Variants in PPFIA1 observed in about 807,000 individuals in gnomAD.
The protein encoded by PPFIA1 is PPFI scaffold protein A1, also known as liprin-alpha-1.
A neutral mutation model predicts 149.9 loss-of-function variants in PPFIA1; 25 were observed. The ratio of observed to expected loss-of-function variants is 0.17; its 90% CI spans 0.12 to 0.23. PPFIA1 has a LOEUF of 0.23. PPFIA1 is among the 10% of genes least tolerant of loss of function. PPFIA1 has a pLI of 1.00. For missense variants in PPFIA1, 1,362 were observed against 1,506.5 expected, an observed-to-expected ratio of 0.90 and a Z score of 1.59; for synonymous variants, 549 against 552.8, an observed-to-expected ratio of 0.99 and a Z score of 0.10.
Position 70,272,293 on chromosome 11 carries a change from G to T in PPFIA1, c.121G>T (p.Val41Phe). The stretch of plus-strand genomic sequence containing the variant: ...AGATTCACATTTTGAACAGTTGATG[G>T]TCTCCATGCTAGAAGAAAGGGACCG... ...DADSHFEQLM[V>F]SMLEERDRLL... is the part of the protein sequence containing the mutation. Residue 41 changes from valine (V) to phenylalanine (F), a missense_variant, in exon 2 of 28, where the codon GTC (valine) becomes TTC (phenylalanine). Val to Phe is a conservative substitution (Grantham distance 50, BLOSUM62 -1). Transcript: ENST00000253925. 1 of 1,614,152 alleles carries T rather than the reference G, an allele frequency of 6.2e-7. No individual in the cohort carries two copies. The highest frequency in any genetic ancestry group is 8.5e-7 in the Non-Finnish European group (1 of 1,180,028).
At chr11:70,271,266 T>C (rs1269516639) in intron 1 of PPFIA1, 1 of 152,284 alleles carries the variant, frequency 6.6e-6, no homozygotes, top group Non-Finnish European at 1.5e-5. Flanking sequence ...CCGCACCTGA[T>C]ACAGGAGGGG....
intron 11 of PPFIA1, 99 bp downstream of exon 11, chr11:70,335,793 T>C (rs1160056477): frequency 2.2e-6 from 3 of 1,381,518 alleles, no homozygotes; most frequent in Non-Finnish European, 2.0e-6. Flanking sequence ...GGTTAGCAGC[T>C]GTTACCGAAA....
chr11:70,277,062 T>TTC, intron 2 of PPFIA1, among the ~76,000 whole-genome samples: 1 of 96,430 alleles, frequency 1.0e-5, no homozygotes, highest in Non-Finnish European at 2.0e-5. Flanking sequence ...ATATATATAT[T>TTC]TTTTTTTTTC....
intron 2 of PPFIA1, among the ~76,000 whole-genome samples, chr11:70,279,493 G>C (rs910922068): frequency 6.6e-6 from 1 of 151,982 alleles, no homozygotes; most frequent in African/African-American, 2.4e-5. Flanking sequence ...ATCAATTTTG[G>C]AAGTTTTGGC....
At chr11:70,369,881 C>G (rs763276399) in intron 21 of PPFIA1, among the ~76,000 whole-genome samples, 1 of 151,992 alleles carries the variant, frequency 6.6e-6, no homozygotes, top group Non-Finnish European at 1.5e-5. Context: ...AAGCCATCCT[C>G]CTGCTTCAGC....
intron 2 of PPFIA1, among the ~76,000 whole-genome samples, chr11:70,297,890 A>G (rs964158318): frequency 6.6e-6 from 1 of 152,196 alleles, no homozygotes; most frequent in Admixed American, 6.5e-5. Flanking sequence ...CATCCATAGG[A>G]AGAGGCTCAG....
chr11:70,380,684 G>A (rs1249604463), intron 26 of PPFIA1, among the ~76,000 whole-genome samples: 2 of 139,172 alleles, frequency 1.4e-5, no homozygotes, highest in African/African-American at 5.4e-5. Flanking sequence ...GCAGTGAGCC[G>A]AAATCATGCC....
chr11:70,338,796 G>T (rs967335292), intron 13 of PPFIA1, among the ~76,000 whole-genome samples: 3 of 152,272 alleles, frequency 2.0e-5, no homozygotes, highest in African/African-American at 7.2e-5. Context: ...TTGCAGAGCA[G>T]TTGAAGGCCA....
At chr11:70,341,449 G>A (rs1306494930) in intron 14 of PPFIA1, among the ~76,000 whole-genome samples, 11 of 152,104 alleles carry the variant, frequency 7.2e-5, no homozygotes, top group Non-Finnish European at 1.6e-4. Flanking sequence ...TTGAACAGCC[G>A]GAAGGATGGA....
Position 70,348,281 on chromosome 11 carries a change from T to G in PPFIA1, c.2024T>G (p.Phe675Cys), listed in dbSNP as rs768787607. The change falls in exon 16 of 28, where the codon TTT (phenylalanine) becomes TGT (cysteine). Residue 675 changes from phenylalanine to cysteine, a missense_variant. Around this residue, in one of 7 missense-constraint regions of PPFIA1, gnomAD observed 733 missense variants for 744.1 expected, o/e 0.99. Coordinates refer to ENST00000253925, the MANE Select transcript of PPFIA1 (RefSeq NM_003626.5). ...GGAAGTCTAGACAATCTTGGTCGTTTTAGATCAATGAGCTCCATTCCCCCC... is the reference window on the plus strand; with the variant it reads ...GGAAGTCTAGACAATCTTGGTCGTTGTAGATCAATGAGCTCCATTCCCCCC... ...GSGSLDNLGR[F>C]RSMSSIPPYP... 1.2e-6 allele frequency: 2 copies of G among 1,614,206 alleles called. No individual in the cohort carries two copies. Among genetic ancestry groups the G allele is most frequent in the Non-Finnish European group, 1.7e-6 (2 of 1,180,032 alleles).
At chr11:70,294,693 CCCTGTGGCCTTCCGCAGTGTTTGTGT>C (rs2051778128) in intron 2 of PPFIA1, among the ~76,000 whole-genome samples, 2 of 151,760 alleles carry the variant, frequency 1.3e-5, no homozygotes, top group African/African-American at 4.9e-5. Flanking sequence ...AGGCAGAGGT[CCCTGTGGCCTTCCGCAGTGTTTGTGT>C]CCCTGGGTAC....
chr11:70,362,603 C>T (rs1224294163), intron 21 of PPFIA1, 115 bp downstream of exon 21: 1 of 1,113,156 alleles, frequency 9.0e-7, no homozygotes, highest in African/African-American at 1.6e-5. Flanking sequence ...AAGTATAGTT[C>T]TAATTCAAAA....
intron 23 of PPFIA1, chr11:70,373,607 C>T (rs2057364529): frequency 6.6e-6 from 1 of 152,172 alleles, no homozygotes. Context: ...GCAAGGAAGT[C>T]ACCAATAACA....
At chr11:70,382,578 G>A (rs893199598) in intron 27 of PPFIA1, among the ~76,000 whole-genome samples, 1 of 152,078 alleles carries the variant, frequency 6.6e-6, no homozygotes, top group Non-Finnish European at 1.5e-5. Context: ...AATGAAACAA[G>A]CCCAAAGTTT....
At chr11:70,345,882 A>G (rs11235969) in intron 15 of PPFIA1, 7,369 of 312,488 alleles carry the variant, frequency 0.024, 565 homozygotes, top group African/African-American at 0.15. Flanking sequence ...TCAGAGCCTC[A>G]CATGTTCAGG....
chr11:70,372,034 A>G (rs1324433598), intron 21 of PPFIA1, 181 bp from the exon 22 acceptor site: 2 of 457,438 alleles, frequency 4.4e-6, no homozygotes, highest in East Asian at 6.8e-5. Context: ...TTCCTGTTGT[A>G]TAAAAATTTT....
At chr11:70,371,871 T>C (rs2057284423) in intron 21 of PPFIA1, 1 of 168,400 alleles carries the variant, frequency 5.9e-6, no homozygotes, top group African/African-American at 2.4e-5. Flanking sequence ...GAATTGAGCC[T>C]TCAAACTTGT....
At chr11:70,338,645 C>A (rs1333247941) in intron 13 of PPFIA1, among the ~76,000 whole-genome samples, 192 bp downstream of exon 13, 2 of 152,316 alleles carry the variant, frequency 1.3e-5, no homozygotes, top group East Asian at 3.9e-4. Context: ...TGGCGAAACT[C>A]CAAAACACAG....
intron 7 of PPFIA1, 33 bp from the exon 8 acceptor site, chr11:70,330,140 A>C: frequency 6.5e-7 from 1 of 1,534,208 alleles, no homozygotes; most frequent in Non-Finnish European, 8.8e-7. Flanking sequence ...TTAATTACCT[A>C]CTTTTTTGTC....
Sources: gnomAD v4.1 joint callset for allele counts (sites outside exome capture counted in the v4.1 genomes callset) on GRCh38, gnomAD v4.1.1 for gene constraint, gnomAD v4.1.1 regional missense constraint, MANE v1.5 for transcripts, NCBI Gene and HGNC (gene_info 2026-07-23, HGNC 2026-07-21) for gene names.